The following OR51E2 variants were observed in gnomAD, a reference collection of about 807,000 sequenced individuals.
OR51E2 encodes olfactory receptor 51E2.
Under a neutral mutation model 13.7 loss-of-function variants are expected in OR51E2, and 14 were observed. That is an observed-to-expected ratio of 1.02 (90% CI 0.68 to 1.60). The LOEUF is 1.60. OR51E2 is among the 40% of genes most tolerant of loss of function. The pLI is 0.00. For missense variants in OR51E2, 483 were observed against 413.8 expected, an observed-to-expected ratio of 1.17 and a Z score of -1.45; for synonymous variants, 180 against 157.6, an observed-to-expected ratio of 1.14 and a Z score of -1.07.
intron 1 of OR51E2, among the ~76,000 whole-genome samples, chr11:4,696,316 G>A (rs996974282): frequency 3.3e-5 from 5 of 151,814 alleles, no homozygotes; most frequent in Admixed American, 1.3e-4. Flanking sequence ...AAACGACATC[G>A]AACTCTAGTA....
chr11:4,695,890 A>G (rs1224142177), intron 1 of OR51E2, among the ~76,000 whole-genome samples: 3 of 151,930 alleles, frequency 2.0e-5, no homozygotes, highest in Non-Finnish European at 4.4e-5. Flanking sequence ...CTTGCTTTTC[A>G]TATGCTCTCC....
Position 4,682,649 on chromosome 11 carries a change from T to G in OR51E2, c.63A>C (p.Lys21Asn). 6.2e-7 allele frequency: 1 copy of G among 1,614,166 alleles called. No homozygotes were observed. Among genetic ancestry groups the G allele is most frequent in the Non-Finnish European group, 8.5e-7 (1 of 1,180,026 alleles). ...FVLIGIPGLE[K>N]AHFWVGFPLL... ...GGGGGAAGCCAACCCAGAAATGGGC[T>G]TTCTCTAATCCTGGGATACCAATAA... The change falls in exon 2 of 2, where the codon AAA becomes AAC. Residue 21 changes from lysine (K) to asparagine (N), a missense_variant. Lys to Asn is a moderately conservative substitution (Grantham distance 94). Coordinates refer to ENST00000396950, the MANE Select transcript of OR51E2 (RefSeq NM_030774.4).
At chr11:4,693,635 G>A (rs888765222) in intron 1 of OR51E2, among the ~76,000 whole-genome samples, 3 of 152,104 alleles carry the variant, frequency 2.0e-5, no homozygotes, top group African/African-American at 7.2e-5. Flanking sequence ...GCAGGAGAAT[G>A]GAGTGAACCT....
chr11:4,693,647 G>A (rs182063367), intron 1 of OR51E2, among the ~76,000 whole-genome samples: 176 of 152,264 alleles, frequency 1.2e-3, no homozygotes, highest in African/African-American at 4.1e-3. Flanking sequence ...AGTGAACCTG[G>A]AAGGCGGAGC....
chr11:4,687,652 T>C (rs1847531126), intron 1 of OR51E2, among the ~76,000 whole-genome samples: 1 of 152,148 alleles, frequency 6.6e-6, no homozygotes, highest in African/African-American at 2.4e-5. Flanking sequence ...CCAGACACTA[T>C]AGATAGAAAT....
At chr11:4,694,407 C>A (rs1265148718) in intron 1 of OR51E2, among the ~76,000 whole-genome samples, 2 of 151,718 alleles carry the variant, frequency 1.3e-5, no homozygotes, top group Non-Finnish European at 2.9e-5. Flanking sequence ...TTTTTCCTAG[C>A]CAATAACTCC....
chr11:4,689,793 T>C (rs989834024), intron 1 of OR51E2, among the ~76,000 whole-genome samples: 3 of 151,976 alleles, frequency 2.0e-5, no homozygotes, highest in African/African-American at 7.3e-5. Context: ...TATGCTTGAG[T>C]CAGGAAAGAT....
At chr11:4,692,906 A>C (rs996315738) in intron 1 of OR51E2, among the ~76,000 whole-genome samples, 2 of 152,288 alleles carry the variant, frequency 1.3e-5, no homozygotes, top group Non-Finnish European at 2.9e-5. Context: ...AGAAAACTAG[A>C]TGAAAAACAA....
At chr11:4,687,388 G>A (rs576894143) in intron 1 of OR51E2, among the ~76,000 whole-genome samples, 7 of 152,294 alleles carry the variant, frequency 4.6e-5, no homozygotes, top group Admixed American at 1.3e-4. Flanking sequence ...ATGTTGGGAA[G>A]TGGAAATAAA....
intron 1 of OR51E2, 104 bp downstream of exon 1, chr11:4,697,549 T>C (rs972388530): frequency 6.6e-6 from 1 of 152,604 alleles, no homozygotes; most frequent in Admixed American, 6.5e-5. Context: ...CATACCAACA[T>C]CTAATCTAAT....
chr11:4,687,884 T>C (rs1296575819), intron 1 of OR51E2, among the ~76,000 whole-genome samples: 1 of 151,828 alleles, frequency 6.6e-6, no homozygotes, highest in African/African-American at 2.4e-5. Flanking sequence ...AGGAAGGGAG[T>C]GAGAATATTC....
chr11:4,692,360 G>A (rs961217800), intron 1 of OR51E2, among the ~76,000 whole-genome samples: 7 of 152,168 alleles, frequency 4.6e-5, no homozygotes, highest in African/African-American at 1.7e-4. Flanking sequence ...CCTCCCACCA[G>A]GCTTAGGAAG....
chr11:4,696,720 A>G (rs943776903), intron 1 of OR51E2, among the ~76,000 whole-genome samples: 3 of 152,126 alleles, frequency 2.0e-5, no homozygotes, highest in African/African-American at 7.2e-5. Context: ...TTGTGAAATA[A>G]GCTATATTCT....
chr11:4,683,344 C>T (rs181645348), intron 1 of OR51E2, among the ~76,000 whole-genome samples: 562 of 152,210 alleles, frequency 3.7e-3, no homozygotes, highest in Non-Finnish European at 6.1e-3. Context: ...TTCAGGATTC[C>T]CAGTCCTCAA....
At chr11:4,691,399 G>A (rs1179933733) in intron 1 of OR51E2, 2 of 457,864 alleles carry the variant, frequency 4.4e-6, no homozygotes, top group Non-Finnish European at 8.8e-6. Context: ...AAGAACATGT[G>A]GGACAAGCAG....
chr11:4,684,243 C>T (rs1847490377), intron 1 of OR51E2, among the ~76,000 whole-genome samples: 2 of 152,154 alleles, frequency 1.3e-5, no homozygotes, highest in South Asian at 4.2e-4. Flanking sequence ...AGCTAAGCTC[C>T]TTGACAAATA....
chr11:4,688,915 G>A (rs1251758573), intron 1 of OR51E2, among the ~76,000 whole-genome samples: 3 of 152,184 alleles, frequency 2.0e-5, no homozygotes, highest in Non-Finnish European at 4.4e-5. Context: ...AGTTAGAGAA[G>A]ACTGTGGGTG....
At chr11:4,695,077 G>C (rs7119432) in intron 1 of OR51E2, among the ~76,000 whole-genome samples, 6,653 of 152,164 alleles carry the variant, frequency 0.044, 186 homozygotes, top group Middle Eastern at 0.075. Context: ...AGGTGCTGTG[G>C]GAAATGAAGC....
chr11:4,682,524 C>A lies in OR51E2; in HGVS notation c.188G>T (p.Cys63Phe), dbSNP rs750119233. The change falls in exon 2 of 2, where the codon TGC becomes TTC. Residue 63 changes from cysteine to phenylalanine, a missense_variant. Transcript: ENST00000396950. Reference protein sequence around the residue: ...SLHAPMYLFLCMLAAIDLALS... With the variant: ...SLHAPMYLFLFMLAAIDLALS... ...GGCCAGGTCAATGGCTGCAAGCATG[C>A]AGAGAAAGAGGTACATCGGAGCGTG... is the stretch of plus-strand genomic sequence containing the variant. The A allele has an allele frequency of 1.2e-6, 2 of 1,614,200 alleles. No individual in the cohort carries two copies. The highest frequency in any genetic ancestry group is 3.3e-5 in the Admixed American group (2 of 60,022).
Sources: allele counts gnomAD v4.1 joint callset (sites outside exome capture counted in the v4.1 genomes callset), GRCh38; gene constraint gnomAD v4.1.1; transcripts MANE v1.5; gene names NCBI Gene and HGNC (gene_info 2026-07-23, HGNC 2026-07-21).